Variants in APOC1 observed in about 807,000 individuals in gnomAD.
APOC1 encodes apolipoprotein C-I.
A neutral mutation model predicts 6.7 loss-of-function variants in APOC1; 4 were observed. The observed-to-expected ratio is 0.60, with a 90% CI of 0.29 to 1.37. The LOEUF is 1.37. APOC1 is among the 40% of genes most tolerant of loss of function. The pLI is 0.09. For missense variants in APOC1, 122 were observed against 99.4 expected (o/e 1.23, Z -0.97); for synonymous variants, 33 against 40.6 (o/e 0.81, Z 0.72).
At chr19:44,914,595 G>T (rs1969970016), upstream of APOC1, 5 of 425,826 alleles carry the variant, frequency 1.2e-5, no homozygotes, top group African/African-American at 2.0e-5. Context: ...AACGTGGGTG[G>T]ACAGAGGGAG....
In APOC1 at chr19:44,919,299, C is replaced by T. The variant is rs2122166823; in HGVS notation, c.*69C>T. The stretch of plus-strand genomic sequence containing the variant: ...CACACCCCAGCGCCTGTGCTGAGGA[C>T]TCCCTCCATGTGGCCCCAGGTGCCA... On this transcript the variant is annotated 3_prime_UTR_variant, in exon 4 of 4. Coordinates refer to ENST00000592535, the MANE Select transcript of APOC1 (RefSeq NM_001645.5). 4 of 1,395,086 alleles carry T rather than the reference C, an allele frequency of 2.9e-6. No homozygotes were observed. The highest frequency in any genetic ancestry group is 3.5e-5 in the Admixed American group (2 of 57,564). The allele number at this position is 1,395,086 out of a possible 1,614,324, so 86.4% of individuals were successfully genotyped here.
At chr19:44,915,979 A>C (rs1201551064) in intron 2 of APOC1, among the ~76,000 whole-genome samples, 2 of 151,426 alleles carry the variant, frequency 1.3e-5, no homozygotes, top group Non-Finnish European at 2.9e-5. Context: ...AAAACAAAAC[A>C]AAACAAAAAT....
chr19:44,917,831 G>C (rs898478335), intron 3 of APOC1, among the ~76,000 whole-genome samples: 1 of 151,830 alleles, frequency 6.6e-6, no homozygotes, highest in Non-Finnish European at 1.5e-5. Flanking sequence ...AAAATTAGCC[G>C]GGCGTGGTGG....
chr19:44,917,575 C>T (rs1471682472), intron 3 of APOC1, among the ~76,000 whole-genome samples: 1 of 138,956 alleles, frequency 7.2e-6, no homozygotes, highest in African/African-American at 2.7e-5. Context: ...GAGACCCTGT[C>T]TCAACAAAAA....
At chr19:44,917,495 T>G (rs1207490032) in intron 3 of APOC1, among the ~76,000 whole-genome samples, 1 of 151,996 alleles carries the variant, frequency 6.6e-6, no homozygotes, top group Non-Finnish European at 1.5e-5. Context: ...AGAGGATTGC[T>G]TGAGCCCAGG....
At chr19:44,916,824 A>C (rs1193637565) in intron 3 of APOC1, among the ~76,000 whole-genome samples, 1 of 149,574 alleles carries the variant, frequency 6.7e-6, no homozygotes, top group South Asian at 2.1e-4. Flanking sequence ...AAAAAAAAAA[A>C]AAAAAAAAAA....
chr19:44,917,443 T>A (rs1449311091), intron 3 of APOC1, among the ~76,000 whole-genome samples: 1 of 151,986 alleles, frequency 6.6e-6, no homozygotes, highest in Non-Finnish European at 1.5e-5. Flanking sequence ...CTGGGCATGG[T>A]GGCCCATGCC....
At chr19:44,917,826 T>C (rs1272764216) in intron 3 of APOC1, among the ~76,000 whole-genome samples, 5 of 151,000 alleles carry the variant, frequency 3.3e-5, no homozygotes, top group Non-Finnish European at 7.4e-5. Context: ...AATACAAAAT[T>C]AGCCGGGCGT....
In APOC1 at chr19:44,919,337, C is replaced by T; in HGVS notation, c.*107C>T. The T allele has an allele frequency of 3.9e-6, 4 of 1,032,190 alleles. No homozygotes were observed. The highest frequency in any genetic ancestry group is 3.8e-5 in the Admixed American group (2 of 52,484). The allele number at this position is 1,032,190 out of a possible 1,614,324, so 63.9% of individuals were successfully genotyped here. ...GCCCCAGGTGCCACCAATAAAAATC[C>T]TACAGAAAATTCTCTCCTGAGTGCT... is the stretch of plus-strand genomic sequence containing the variant. On this transcript the variant is annotated 3_prime_UTR_variant, in exon 4 of 4. Coordinates refer to ENST00000592535, the MANE Select transcript of APOC1 (RefSeq NM_001645.5).
chr19:44,919,111 G>A, intron 3 of APOC1, 62 bp from the exon 4 acceptor site: 1 of 1,433,560 alleles, frequency 7.0e-7, no homozygotes, highest in Non-Finnish European at 9.8e-7. Flanking sequence ...GTAGCAGGCA[G>A]AATTTGGACA....
At chr19:44,916,551 C>T (rs1476745178) in intron 3 of APOC1, 1 of 597,318 alleles carries the variant, frequency 1.7e-6, no homozygotes, top group African/African-American at 1.9e-5. Flanking sequence ...GGCACGGTGG[C>T]TCATGCTTGC....
At chr19:44,915,239 G>A (rs1014318811) in intron 2 of APOC1, 2 of 502,216 alleles carry the variant, frequency 4.0e-6, no homozygotes, top group African/African-American at 3.9e-5. Context: ...GGGGGGCTCT[G>A]GGAGAGGTCA....
In APOC1 at chr19:44,914,734, G is replaced by T. The variant is rs111379895; in HGVS notation, c.-21+1G>T. On this transcript the variant is annotated splice_donor_variant, in intron 1 of 3. Transcript: ENST00000592535. LOFTEE classifies it low-confidence loss of function (5UTR_SPLICE). ...ACCAAGCCCTCCAGCAAGGATTCAG[G>T]TTGGTGCTGAGTGCCTGGGAGGGAC... 8.8e-6 allele frequency: 6 copies of T among 683,822 alleles called. No homozygotes were observed. Among genetic ancestry groups the T allele is most frequent in the South Asian group, 8.6e-5 (5 of 57,960 alleles). The allele number at this position is 683,822 out of a possible 1,614,324, so 42.4% of individuals were successfully genotyped here.
chr19:44,918,487 G>T (rs12721056), intron 3 of APOC1, among the ~76,000 whole-genome samples: 47,733 of 148,712 alleles, frequency 0.32, 7,609 homozygotes, highest in Non-Finnish European at 0.35. Context: ...TCACCCTCCC[G>T]AGTAGCTGGG....
At chr19:44,915,308 C>A in intron 2 of APOC1, 1 of 201,802 alleles carries the variant, frequency 5.0e-6, no homozygotes, top group Admixed American at 5.7e-5. Flanking sequence ...CAGTATTCCT[C>A]CCCATTCTTT....
chr19:44,916,264 G>A lies in APOC1; in HGVS notation c.133G>A (p.Glu45Lys). 6.2e-7 allele frequency: 1 copy of A among 1,613,908 alleles called. No individual in the cohort carries two copies. The highest frequency in any genetic ancestry group is 2.2e-5 in the East Asian group (1 of 44,874). ...DKLKEFGNTL[E>K]DKARELISRI... ...GCTGAAGGAGTTTGGAAACACACTG[G>A]AGGACAAGGCTCGGGAACTCATCAG... The change falls in exon 3 of 4, where the codon GAG becomes AAG. Residue 45 changes from glutamate (E) to lysine (K), a missense_variant. Glu to Lys is a moderately conservative substitution (Grantham distance 56). Transcript: ENST00000592535.
At position 44,919,186 on chromosome 19, in the gene APOC1, G is replaced by A; in HGVS notation, c.208G>A (p.Glu70Lys). 2 of 1,613,874 alleles carry A rather than the reference G, an allele frequency of 1.2e-6. No individual in the cohort carries two copies. The highest frequency in any genetic ancestry group is 8.5e-7 in the Non-Finnish European group (1 of 1,179,834). The change falls in exon 4 of 4, where the codon GAG (glutamate) becomes AAG (lysine). Residue 70 changes from glutamate to lysine, a missense_variant. Transcript: ENST00000592535. ...TCCTCCCCACAGGGAGTGGTTTTCA[G>A]AGACATTTCAGAAAGTGAAGGAGAA... ...LSAKMREWFSETFQKVKEKLK... is the reference protein window; with the variant it reads ...LSAKMREWFSKTFQKVKEKLK...
chr19:44,918,983 G>C, intron 3 of APOC1, 190 bp from the exon 4 acceptor site: 1 of 658,920 alleles, frequency 1.5e-6, no homozygotes, highest in South Asian at 1.8e-5. Flanking sequence ...AGACTTCAAC[G>C]TGCTTTGGTC....
upstream of APOC1, chr19:44,914,522 C>G: frequency 4.0e-6 from 1 of 247,168 alleles, no homozygotes; most frequent in East Asian, 9.1e-5. Flanking sequence ...GGCTTTGGGG[C>G]TAAGGGAAGT....
Sources: gnomAD v4.1 joint callset for allele counts (sites outside exome capture counted in the v4.1 genomes callset) on GRCh38, gnomAD v4.1.1 for gene constraint, MANE v1.5 for transcripts, NCBI Gene and HGNC (gene_info 2026-07-23, HGNC 2026-07-21) for gene names.